FARS2: variants seen among roughly 807,000 people sequenced by gnomAD.
FARS2 encodes phenylalanyl-tRNA synthetase 2, mitochondrial.
In FARS2, 40 loss-of-function variants were observed where a neutral mutation model predicts 46.4. The observed-to-expected ratio is 0.86, with a 90% CI of 0.67 to 1.12. The LOEUF (loss-of-function observed/expected upper bound fraction) is 1.12. FARS2 is among the 50% of genes most tolerant of loss of function. The pLI, the probability that FARS2 is intolerant of heterozygous loss-of-function variation, is 0.00. For missense variants in FARS2, 513 were observed against 567.9 expected (o/e 0.90, Z 0.98); for synonymous variants, 234 against 214.9 (o/e 1.09, Z -0.78).
At chr6:5,374,014 T>G (rs1759224370) in intron 2 of FARS2, among the ~76,000 whole-genome samples, 1 of 152,130 alleles carries the variant, frequency 6.6e-6, no homozygotes. Flanking sequence ...TTAGATGTGA[T>G]AAATGGTATT....
intron 6 of FARS2, among the ~76,000 whole-genome samples, chr6:5,701,136 G>A (rs1402366933): frequency 6.6e-6 from 1 of 152,372 alleles, no homozygotes. Context: ...TGGCCTGCCA[G>A]TCTGTGACAA....
intron 4 of FARS2, among the ~76,000 whole-genome samples, chr6:5,523,601 C>G (rs537456642): frequency 1.7e-4 from 26 of 152,152 alleles, no homozygotes; most frequent in Non-Finnish European, 3.2e-4. Context: ...GGCTCAGCCG[C>G]TGCATCAGAC....
chr6:5,322,560 T>C (rs1770056601), intron 1 of FARS2, among the ~76,000 whole-genome samples: 1 of 152,186 alleles, frequency 6.6e-6, no homozygotes, highest in African/African-American at 2.4e-5. Flanking sequence ...TTAGCATGTA[T>C]TCTTTTTCTT....
chr6:5,528,312 A>G (rs1311316718), intron 4 of FARS2, among the ~76,000 whole-genome samples: 6 of 152,200 alleles, frequency 3.9e-5, no homozygotes, highest in East Asian at 1.9e-4. Context: ...CTACAGGTAC[A>G]TATATGTCAT....
chr6:5,276,238 TG>T (rs1246239302), intron 1 of FARS2, among the ~76,000 whole-genome samples: 1 of 152,232 alleles, frequency 6.6e-6, no homozygotes, highest in Non-Finnish European at 1.5e-5. Context: ...TGTGCATTTT[TG>T]AAATGAGTGT....
At chr6:5,512,289 C>G (rs1239265266) in intron 4 of FARS2, among the ~76,000 whole-genome samples, 1 of 152,124 alleles carries the variant, frequency 6.6e-6, no homozygotes, top group Non-Finnish European at 1.5e-5. Context: ...ACTTCAGGTC[C>G]TCCGACTCCC....
At chr6:5,700,395 A>G (rs1381149458) in intron 6 of FARS2, among the ~76,000 whole-genome samples, 2 of 151,558 alleles carry the variant, frequency 1.3e-5, no homozygotes, top group African/African-American at 2.4e-5. Flanking sequence ...TATATATCTC[A>G]GTAGCAGTGG....
At chr6:5,745,643 A>G (rs970499892) in intron 6 of FARS2, among the ~76,000 whole-genome samples, 3 of 152,164 alleles carry the variant, frequency 2.0e-5, no homozygotes, top group African/African-American at 4.8e-5. Context: ...TGCTCAAGCA[A>G]TCCTCCCACC....
chr6:5,472,300 C>T (rs1002441060), intron 4 of FARS2, among the ~76,000 whole-genome samples: 1 of 152,132 alleles, frequency 6.6e-6, no homozygotes, highest in Non-Finnish European at 1.5e-5. Context: ...AACAATTAGT[C>T]ATGGATCGCT....
chr6:5,306,360 C>G (rs1207360910), intron 1 of FARS2, among the ~76,000 whole-genome samples: 2 of 152,188 alleles, frequency 1.3e-5, no homozygotes, highest in Non-Finnish European at 2.9e-5. Flanking sequence ...TAACAGTCTA[C>G]TGGTTCTTTT....
chr6:5,516,365 G>A (rs914237442), intron 4 of FARS2, among the ~76,000 whole-genome samples: 3 of 152,212 alleles, frequency 2.0e-5, no homozygotes, highest in African/African-American at 7.2e-5. Flanking sequence ...ATTGACAGCA[G>A]TAGTAACAGC....
chr6:5,305,535 A>C (rs1427588457), intron 1 of FARS2, among the ~76,000 whole-genome samples: 1 of 152,166 alleles, frequency 6.6e-6, no homozygotes, highest in Non-Finnish European at 1.5e-5. Flanking sequence ...GCCAGCAGAG[A>C]CCTTTGACTC....
chr6:5,567,674 G>T (rs1772398890), intron 5 of FARS2, among the ~76,000 whole-genome samples: 1 of 152,190 alleles, frequency 6.6e-6, no homozygotes. Context: ...ATAAAGAGTT[G>T]ATTCTAAGAG....
At chr6:5,726,028 G>A (rs1156913585) in intron 6 of FARS2, among the ~76,000 whole-genome samples, 4 of 152,144 alleles carry the variant, frequency 2.6e-5, no homozygotes, top group African/African-American at 9.7e-5. Flanking sequence ...GATGAATTTG[G>A]GTCAGTGGGT....
At chr6:5,535,544 C>G (rs1283987300) in intron 4 of FARS2, among the ~76,000 whole-genome samples, 2 of 152,142 alleles carry the variant, frequency 1.3e-5, no homozygotes, top group Non-Finnish European at 2.9e-5. Context: ...TAGTGCTATA[C>G]TGACTAGTAG....
chr6:5,394,875 G>A (rs1760801740), intron 2 of FARS2, among the ~76,000 whole-genome samples: 1 of 151,920 alleles, frequency 6.6e-6, no homozygotes. Flanking sequence ...TTTGCCATTC[G>A]AAGTGGTACA....
intron 1 of FARS2, among the ~76,000 whole-genome samples, chr6:5,368,295 CCAAGG>C (rs1245093418): frequency 6.6e-6 from 1 of 152,106 alleles, no homozygotes; most frequent in East Asian, 1.9e-4. Context: ...TTCTACAAAG[CCAAGG>C]ATCTGAATGA....
chr6:5,393,791 G>A (rs1244893269), intron 2 of FARS2, among the ~76,000 whole-genome samples: 4 of 152,244 alleles, frequency 2.6e-5, no homozygotes, highest in African/African-American at 9.6e-5. Context: ...GGGTATTAGA[G>A]CTGTCCTCCT....
At chr6:5,745,693 C>T (rs1761595714) in intron 6 of FARS2, among the ~76,000 whole-genome samples, 1 of 152,160 alleles carries the variant, frequency 6.6e-6, no homozygotes. Context: ...GCACGCACCA[C>T]CATGCCTGGC....
Sources: allele counts gnomAD v4.1 joint callset (sites outside exome capture counted in the v4.1 genomes callset), GRCh38; gene constraint gnomAD v4.1.1; transcripts MANE v1.5; gene names NCBI Gene and HGNC (gene_info 2026-07-23, HGNC 2026-07-21).